The following PDZRN4 variants were observed in gnomAD, a reference collection of about 807,000 sequenced individuals.
PDZRN4 encodes PDZ domain-containing RING finger protein 4.
Under a neutral mutation model 99.0 loss-of-function variants are expected in PDZRN4, and 70 were observed. The observed-to-expected ratio is 0.71, with a 90% CI of 0.58 to 0.86. The LOEUF is 0.86. Among genes scored for constraint, PDZRN4 ranks in the 40% least tolerant of loss-of-function variants. The pLI, the probability that PDZRN4 is intolerant of heterozygous loss-of-function variation, is 0.00. For missense variants in PDZRN4, 1,474 were observed against 1,331.2 expected, an observed-to-expected ratio of 1.11 and a Z score of -1.67; for synonymous variants, 551 against 501.6, an observed-to-expected ratio of 1.10 and a Z score of -1.32.
rs77137798 is a variant in PDZRN4, at chr12:41,521,294, C to T, written c.1203+11381C>T. On this transcript the variant is annotated intron_variant, in intron 5 of 9. Coordinates refer to ENST00000402685, the MANE Select transcript of PDZRN4 (RefSeq NM_001164595.2). The stretch of plus-strand genomic sequence containing the variant: ...ACATTGACACCATTTGCTCTTTTTG[C>T]TCTCTTGAGCATACCAGGTTTTTAA... 1.5e-3 allele frequency among the ~76,000 whole-genome samples: 225 copies of T among 152,154 alleles called. 7 individuals carry two copies. The East Asian group carries it at 0.024, about 16-fold the overall frequency.
At chr12:41,317,047 A>ATTATATATATATATATATATAT (rs1565549929) in intron 3 of PDZRN4, among the ~76,000 whole-genome samples, 1 of 8,058 alleles carries the variant, frequency 1.2e-4, no homozygotes, top group African/African-American at 1.7e-4. Flanking sequence ...ACTTACATAA[A>ATTATATATATATATATATATAT]GTATATATAT....
In PDZRN4 at chr12:41,556,359, G is replaced by A. The variant is rs1939162000; in HGVS notation, c.1365+599G>A. Among the ~76,000 whole-genome samples the A allele has an allele frequency of 2.0e-5, 3 of 152,306 alleles. No homozygotes were observed. In the South Asian group the frequency reaches 6.2e-4, roughly 32 times the overall value. On this transcript the variant is annotated intron_variant, in intron 7 of 9. Coordinates refer to ENST00000402685, the MANE Select transcript of PDZRN4 (RefSeq NM_001164595.2). Reference sequence around the variant, plus strand: ...CCGGGTTGTGCAAACATTGGAGAGTGTACTTACACAGACCTAGATGGTACA... The same window carrying A: ...CCGGGTTGTGCAAACATTGGAGAGTATACTTACACAGACCTAGATGGTACA...
chr12:41,412,643 A>G (rs1952408850), intron 3 of PDZRN4: 5 of 152,216 alleles, frequency 3.3e-5, no homozygotes, highest in Admixed American at 3.3e-4. Context: ...ATATAATCAG[A>G]ATGTTTCACA....
At chr12:41,403,180 T>TC (rs745568363) in intron 3 of PDZRN4, among the ~76,000 whole-genome samples, 13 of 152,050 alleles carry the variant, frequency 8.5e-5, no homozygotes, top group South Asian at 8.3e-4. Context: ...AACTTGTGAT[T>TC]CCCCCCACAC....
At chr12:41,354,573 C>A (rs536899692) in intron 3 of PDZRN4, among the ~76,000 whole-genome samples, 5 of 151,728 alleles carry the variant, frequency 3.3e-5, no homozygotes, top group African/African-American at 4.8e-5. Context: ...TGAAGGAGAA[C>A]AAGAATTATC....
intron 3 of PDZRN4, among the ~76,000 whole-genome samples, chr12:41,458,814 A>T (rs1361607604): frequency 6.6e-6 from 1 of 152,190 alleles, no homozygotes; most frequent in Non-Finnish European, 1.5e-5. Flanking sequence ...GGCTTGGAAG[A>T]CATGGCAGTG....
intron 3 of PDZRN4, among the ~76,000 whole-genome samples, chr12:41,219,372 A>C (rs554222913): frequency 6.6e-6 from 1 of 152,164 alleles, no homozygotes; most frequent in South Asian, 2.1e-4. Context: ...ATAGTCTTAA[A>C]CTTCAGATTA....
intron 3 of PDZRN4, among the ~76,000 whole-genome samples, chr12:41,230,097 T>G (rs1237020176): frequency 6.6e-6 from 1 of 151,892 alleles, no homozygotes; most frequent in Non-Finnish European, 1.5e-5. Flanking sequence ...CCGGATAACA[T>G]TTTTGAATAT....
chr12:41,232,333 A>G (rs534191535), intron 3 of PDZRN4, among the ~76,000 whole-genome samples: 1 of 152,176 alleles, frequency 6.6e-6, no homozygotes, highest in South Asian at 2.1e-4. Flanking sequence ...TGGCATTATT[A>G]TGCTTTCCCT....
chr12:41,378,033 G>A (rs1235808586), intron 3 of PDZRN4, among the ~76,000 whole-genome samples: 1 of 152,138 alleles, frequency 6.6e-6, no homozygotes, highest in Non-Finnish European at 1.5e-5. Flanking sequence ...TACAAGTGAT[G>A]AGAGTGGGAA....
chr12:41,447,853 A>G (rs1382816952), intron 3 of PDZRN4, among the ~76,000 whole-genome samples: 1 of 152,134 alleles, frequency 6.6e-6, no homozygotes, highest in East Asian at 1.9e-4. Context: ...AATTTTGAAT[A>G]TCTGACATAT....
chr12:41,536,052 T>C (rs781477871), intron 5 of PDZRN4, among the ~76,000 whole-genome samples: 3 of 152,164 alleles, frequency 2.0e-5, no homozygotes, highest in Non-Finnish European at 4.4e-5. Flanking sequence ...TTAGACTCTA[T>C]ACCATGGGCT....
chr12:41,282,190 A>G (rs932857588), intron 3 of PDZRN4, among the ~76,000 whole-genome samples: 5 of 152,198 alleles, frequency 3.3e-5, no homozygotes, highest in African/African-American at 1.2e-4. Flanking sequence ...TTACCATGCA[A>G]ATGGAAAGCA....
intron 3 of PDZRN4, among the ~76,000 whole-genome samples, chr12:41,297,284 G>A (rs1254921677): frequency 6.6e-6 from 1 of 151,996 alleles, no homozygotes; most frequent in African/African-American, 2.4e-5. Flanking sequence ...ATAATACTAG[G>A]ATATTTTAAT....
chr12:41,330,393 A>G (rs779590324), intron 3 of PDZRN4, among the ~76,000 whole-genome samples: 1 of 151,898 alleles, frequency 6.6e-6, no homozygotes, highest in Non-Finnish European at 1.5e-5. Context: ...TGAGCAATCA[A>G]CTTCACCTCT....
At chr12:41,511,783 A>G (rs1938308578) in intron 5 of PDZRN4, among the ~76,000 whole-genome samples, 1 of 152,176 alleles carries the variant, frequency 6.6e-6, no homozygotes, top group African/African-American at 2.4e-5. Context: ...AAACTGCAAA[A>G]TCTAGTCAGT....
intron 3 of PDZRN4, among the ~76,000 whole-genome samples, chr12:41,308,194 A>G (rs893637683): frequency 1.3e-5 from 2 of 152,098 alleles, no homozygotes; most frequent in Non-Finnish European, 2.9e-5. Flanking sequence ...AGGTAAAACT[A>G]AAAAAATACT....
intron 3 of PDZRN4, among the ~76,000 whole-genome samples, chr12:41,221,466 T>C (rs11180346): frequency 0.011 from 1,648 of 152,072 alleles, 22 homozygotes; most frequent in African/African-American, 0.03. Context: ...AGCTAGACAA[T>C]ATATCAACAG....
At chr12:41,292,234 G>A (rs181735342) in intron 3 of PDZRN4, among the ~76,000 whole-genome samples, 19 of 152,320 alleles carry the variant, frequency 1.2e-4, no homozygotes, top group Admixed American at 1.1e-3. Context: ...TAAGCAAACA[G>A]CTAGAGAGAG....
Sources: gnomAD v4.1 joint callset for allele counts (sites outside exome capture counted in the v4.1 genomes callset) on GRCh38, gnomAD v4.1.1 for gene constraint, MANE v1.5 for transcripts, NCBI Gene and HGNC (gene_info 2026-07-23, HGNC 2026-07-21) for gene names.